PLA2G4A: variants seen among roughly 807,000 people sequenced by gnomAD.
PLA2G4A encodes phospholipase A2 group IVA.
A neutral mutation model predicts 81.9 loss-of-function variants in PLA2G4A; 40 were observed. The observed-to-expected ratio is 0.49, with a 90% CI of 0.38 to 0.64. PLA2G4A has a LOEUF of 0.64. Ranked by LOEUF, PLA2G4A falls within the 30% of genes least tolerant of loss-of-function variation. The pLI is 0.00. For synonymous variants in PLA2G4A, 302 were observed against 296.9 expected (o/e 1.02, Z -0.18); for missense variants, 715 against 905.1 (o/e 0.79, Z 2.69).
At chr1:186,952,950 C>T (rs541846878) in intron 13 of PLA2G4A, among the ~76,000 whole-genome samples, 104 of 152,194 alleles carry the variant, frequency 6.8e-4, no homozygotes, top group African/African-American at 2.3e-3. Flanking sequence ...CATTCACCTG[C>T]TGAGGAAGGT....
At chr1:186,951,768 A>T (rs972231393) in intron 13 of PLA2G4A, among the ~76,000 whole-genome samples, 2 of 152,184 alleles carry the variant, frequency 1.3e-5, no homozygotes, top group Non-Finnish European at 2.9e-5. Flanking sequence ...GCACAGGGCC[A>T]TGGCTTGGCT....
intron 5 of PLA2G4A, 81 bp downstream of exon 5, chr1:186,894,292 G>A: frequency 1.4e-6 from 1 of 736,626 alleles, no homozygotes; most frequent in Non-Finnish European, 2.5e-6. Context: ...TTAACACTTG[G>A]AAAATTGTAT....
chr1:186,986,451 G>A (rs771044665), intron 17 of PLA2G4A, among the ~76,000 whole-genome samples: 1 of 152,188 alleles, frequency 6.6e-6, no homozygotes, highest in African/African-American at 2.4e-5. Flanking sequence ...TGCTGATATA[G>A]ATCTCTAGAA....
intron 2 of PLA2G4A, among the ~76,000 whole-genome samples, chr1:186,866,893 T>C (rs184344453): frequency 4.6e-4 from 70 of 152,228 alleles, no homozygotes; most frequent in Admixed American, 1.8e-3. Flanking sequence ...ATCATCTGTG[T>C]AGATTCATTT....
chr1:186,986,909 T>A (rs560775816), intron 17 of PLA2G4A, among the ~76,000 whole-genome samples: 4 of 152,354 alleles, frequency 2.6e-5, no homozygotes, highest in Non-Finnish European at 5.9e-5. Flanking sequence ...GTTTCCCTAT[T>A]CTTAAGAAAA....
At chr1:186,920,469 C>A (rs1321364348) in intron 7 of PLA2G4A, among the ~76,000 whole-genome samples, 6 of 152,206 alleles carry the variant, frequency 3.9e-5, no homozygotes. Context: ...ACTTAATGTC[C>A]TTGCCCCCAG....
intron 1 of PLA2G4A, among the ~76,000 whole-genome samples, chr1:186,853,900 G>T (rs915767736): frequency 6.6e-6 from 1 of 151,730 alleles, no homozygotes; most frequent in African/African-American, 2.4e-5. Flanking sequence ...TTGTGAATTT[G>T]TATATTGCTG....
intron 7 of PLA2G4A, among the ~76,000 whole-genome samples, chr1:186,916,071 T>A (rs1357206980): frequency 6.6e-6 from 1 of 152,172 alleles, no homozygotes; most frequent in Non-Finnish European, 1.5e-5. Context: ...ACTCGGCTAG[T>A]TGCAAAAACA....
At position 186,908,968 on chromosome 1, in the gene PLA2G4A, C is replaced by CTTTTT. The variant is rs1201226836; in HGVS notation, c.416+1985_416+1989dup. Among the ~76,000 whole-genome samples the CTTTTT allele has an allele frequency of 3.2e-3, 241 of 75,058 alleles. 1 individual carries two copies. Among genetic ancestry groups the CTTTTT allele is most frequent in the East Asian group, 4.8e-3 (12 of 2,520 alleles). The allele number at this position is 75,058 out of a possible 152,430, so 49.2% of individuals were successfully genotyped here. A position where few individuals can be genotyped will look rare whatever the true frequency, so the allele number is the denominator to read the frequency against. On this transcript the variant is annotated intron_variant, in intron 6 of 17. Transcript: ENST00000367466. ...GTAAGATTTTAATTTCTTTTCTTTTCTTTTTTTTTTTTTTTTTTTTTTTGA... is the reference window on the plus strand; with the variant it reads ...GTAAGATTTTAATTTCTTTTCTTTTCTTTTTTTTTTTTTTTTTTTTTTTTTTTTGA...
chr1:186,844,902 C>A (rs1447293441), intron 1 of PLA2G4A, among the ~76,000 whole-genome samples: 2 of 152,196 alleles, frequency 1.3e-5, no homozygotes, highest in African/African-American at 2.4e-5. Flanking sequence ...CAGTGGCTCA[C>A]ACCTGTAATC....
intron 5 of PLA2G4A, among the ~76,000 whole-genome samples, chr1:186,898,271 A>C (rs1285771905): frequency 6.6e-6 from 1 of 152,208 alleles, no homozygotes; most frequent in Non-Finnish European, 1.5e-5. Context: ...TATTAAAAAA[A>C]CTGCACAAAA....
rs1438027650 is a variant in PLA2G4A, at chr1:186,955,673, T to C, written c.1337-429T>C. On this transcript the variant is annotated intron_variant, in intron 13 of 17. Coordinates refer to ENST00000367466, the MANE Select transcript of PLA2G4A (RefSeq NM_024420.3). ...CAATATTAATTTAGGCAAATACACA[T>C]GTTAAACCAAATATAGAGCTTTATT... 3.3e-5 allele frequency among the ~76,000 whole-genome samples: 5 copies of C among 150,566 alleles called. No individual in the cohort carries two copies. The East Asian group carries it at 9.8e-4, about 30-fold the overall frequency.
At chr1:186,929,153 C>T (rs1655652232) in intron 7 of PLA2G4A, among the ~76,000 whole-genome samples, 1 of 152,222 alleles carries the variant, frequency 6.6e-6, no homozygotes, top group Non-Finnish European at 1.5e-5. Flanking sequence ...TTACCCCTTT[C>T]TTTCTGAGCA....
At chr1:186,837,736 C>CAAAAAAAAAA (rs750655561) in intron 1 of PLA2G4A, among the ~76,000 whole-genome samples, 40 of 55,120 alleles carry the variant, frequency 7.3e-4, no homozygotes, top group South Asian at 1.5e-3. Context: ...GACTCCGTCT[C>CAAAAAAAAAA]AAAAAAAAAA....
intron 6 of PLA2G4A, among the ~76,000 whole-genome samples, chr1:186,909,404 T>G (rs1652006355): frequency 6.7e-6 from 1 of 148,450 alleles, no homozygotes. Context: ...CTCATGCCTG[T>G]AATCCCAGCA....
chr1:186,965,353 T>C, intron 14 of PLA2G4A, 56 bp from the exon 15 acceptor site: 1 of 1,283,112 alleles, frequency 7.8e-7, no homozygotes. Context: ...TTTTAGATGA[T>C]AAATACTGAT....
At chr1:186,856,785 G>C (rs75169166) in intron 2 of PLA2G4A, among the ~76,000 whole-genome samples, 5,932 of 151,866 alleles carry the variant, frequency 0.039, 383 homozygotes, top group African/African-American at 0.14. Flanking sequence ...ATTTCTAGGG[G>C]AAGTAAGATG....
intron 13 of PLA2G4A, among the ~76,000 whole-genome samples, chr1:186,955,334 TCTC>T (rs1314254728): frequency 6.6e-6 from 1 of 152,210 alleles, no homozygotes; most frequent in Non-Finnish European, 1.5e-5. Context: ...TTTAGCTCTC[TCTC>T]CTCATTTTGC....
At chr1:186,907,929 G>A (rs1265219591) in intron 6 of PLA2G4A, among the ~76,000 whole-genome samples, 1 of 152,160 alleles carries the variant, frequency 6.6e-6, no homozygotes, top group Non-Finnish European at 1.5e-5. Context: ...GGTATATTTT[G>A]GCATGAGATT....
Sources: gnomAD v4.1 joint callset for allele counts (sites outside exome capture counted in the v4.1 genomes callset) on GRCh38, gnomAD v4.1.1 for gene constraint, MANE v1.5 for transcripts, NCBI Gene and HGNC (gene_info 2026-07-23, HGNC 2026-07-21) for gene names.